Variants in POLR2J observed in about 807,000 individuals in gnomAD.
POLR2J encodes the protein DNA-directed RNA polymerase II subunit RPB11-a.
Under a neutral mutation model 13.4 loss-of-function variants are expected in POLR2J, and 12 were observed. That is an observed-to-expected ratio of 0.90 (90% CI 0.57 to 1.45). POLR2J has a LOEUF of 1.45. POLR2J is among the 40% of genes most tolerant of loss of function. POLR2J has a pLI of 0.00. For missense variants in POLR2J, 58 were observed against 132.0 expected (o/e 0.44, Z 2.75); for synonymous variants, 31 against 53.6 (o/e 0.58, Z 1.84).
rs1208726426 is a variant in POLR2J, at chr7:102,478,843, G to A, written c.18C>T (p.Ala6=). Residue 6 remains alanine, a synonymous_variant, in exon 1 of 4, where the codon GCC becomes GCT. Coordinates refer to ENST00000292614, the MANE Select transcript of POLR2J (RefSeq NM_006234.6). MNAPP[A]FESFLLFEGE... ...CCTCGAAGAGCAAGAACGACTCGAA[G>A]GCTGGAGGGGCGTTCATGCTCCCGC... is the stretch of plus-strand genomic sequence containing the variant. The A allele has an allele frequency of 1.2e-6, 2 of 1,610,736 alleles. No individual in the cohort carries two copies. The highest frequency in any genetic ancestry group is 1.7e-5 in the Admixed American group (1 of 59,992).
chr7:102,475,436 CTTCT>C (rs1305386540), intron 2 of POLR2J, among the ~76,000 whole-genome samples: 1 of 152,202 alleles, frequency 6.6e-6, no homozygotes, highest in Non-Finnish European at 1.5e-5. Flanking sequence ...AGAACTCCTA[CTTCT>C]TTCTCTTGTT....
rs376175018 is a variant in POLR2J, at chr7:102,473,362, G to A, written c.*287C>T. 2 of 571,306 alleles carry A rather than the reference G, an allele frequency of 3.5e-6. No individual in the cohort carries two copies. Among genetic ancestry groups the A allele is most frequent in the South Asian group, 2.5e-5 (1 of 40,194 alleles). 35.4% of individuals were successfully genotyped at this position (571,306 alleles called of 1,614,324 possible). On this transcript the variant is annotated 3_prime_UTR_variant, in exon 4 of 4. Coordinates refer to ENST00000292614, the MANE Select transcript of POLR2J (RefSeq NM_006234.6). ...TTTGGTCCAGAATGAATTCATCCCT[G>A]CCAGCCGGACGCCCCTGAAACAGGT...
In POLR2J at chr7:102,473,656, A is replaced by C; in HGVS notation, c.347T>G (p.Ile116Ser). ...CAGAGCCCCCTCTGGCCCCTACTCA[A>C]TTCCTTCCTGCTTGTCTTTTATGGC... The part of the protein sequence containing the change: ...RVAIKDKQEG[I>S]E The change falls in exon 4 of 4, where the codon ATT becomes AGT. Residue 116 changes from isoleucine (I) to serine (S), a missense_variant. By Grantham distance (142) the Ile-to-Ser change is moderately radical (BLOSUM62 -2). Transcript: ENST00000292614. The C allele has an allele frequency of 6.2e-7, 1 of 1,613,084 alleles. No homozygotes were observed. Among genetic ancestry groups the C allele is most frequent in the Non-Finnish European group, 8.5e-7 (1 of 1,179,762 alleles).
chr7:102,478,470 G>A (rs1445997018), intron 1 of POLR2J, among the ~76,000 whole-genome samples: 3 of 151,732 alleles, frequency 2.0e-5, no homozygotes, highest in Admixed American at 6.6e-5. Flanking sequence ...CGGAGGGGAT[G>A]AAGGATGGAG....
chr7:102,478,883 G>A lies in POLR2J; in HGVS notation c.-23C>T, dbSNP rs780873309. ...CATGCTCCCGCCGCCGTTGCGTCCA[G>A]ACCCCAAGGGTCCGCCGCCGCCGCC... On this transcript the variant is annotated 5_prime_UTR_variant, in exon 1 of 4. Coordinates refer to ENST00000292614, the MANE Select transcript of POLR2J (RefSeq NM_006234.6). The A allele has an allele frequency of 1.2e-6, 2 of 1,610,270 alleles. No individual in the cohort carries two copies. The highest frequency in any genetic ancestry group is 1.7e-6 in the Non-Finnish European group (2 of 1,179,568).
chr7:102,474,294 T>G (rs2133281703), intron 3 of POLR2J, 67 bp downstream of exon 3: 2 of 1,610,794 alleles, frequency 1.2e-6, no homozygotes, highest in East Asian at 2.2e-5. Context: ...GCCAGGGCTG[T>G]CCCAGGCCTG....
Position 102,473,659 on chromosome 7 carries a change from C to T in POLR2J, c.344G>A (p.Gly115Glu), listed in dbSNP as rs1798312231. The T allele has an allele frequency of 6.2e-7, 1 of 1,613,756 alleles. No homozygotes were observed. Among genetic ancestry groups the T allele is most frequent in the African/African-American group, 1.3e-5 (1 of 74,848 alleles). The change falls in exon 4 of 4, where the codon GGA becomes GAA. Residue 115 changes from glycine (G) to glutamate (E), a missense_variant. Around this residue, in one of 4 missense-constraint regions of POLR2J, gnomAD observed 18 missense variants for 16.0 expected, o/e 1.12. Transcript: ENST00000292614. ...AGCCCCCTCTGGCCCCTACTCAATT[C>T]CTTCCTGCTTGTCTTTTATGGCCAC... ...FRVAIKDKQE[G>E]IE
rs1798510365 is a variant in POLR2J, at chr7:102,478,917, C to T, written c.-57G>A. On this transcript the variant is annotated 5_prime_UTR_variant, in exon 1 of 4. Transcript: ENST00000292614. ...GGTCCGCCGCCGCCGCCACCAGAGCCCTAATAAGAGGCCTCTTCCGGATTA... is the reference window on the plus strand; with the variant it reads ...GGTCCGCCGCCGCCGCCACCAGAGCTCTAATAAGAGGCCTCTTCCGGATTA... 1.9e-6 allele frequency: 3 copies of T among 1,606,820 alleles called. No homozygotes were observed. The highest frequency in any genetic ancestry group is 2.2e-5 in the East Asian group (1 of 44,804).
intron 2 of POLR2J, among the ~76,000 whole-genome samples, chr7:102,474,926 C>A (rs940000159): frequency 6.7e-6 from 1 of 150,282 alleles, no homozygotes; most frequent in African/African-American, 2.4e-5. Flanking sequence ...CAGCTGCCGG[C>A]AGTGAGTGGA....
Position 102,473,453 on chromosome 7 carries a change from C to T in POLR2J, c.*196G>A, listed in dbSNP as rs1283586403. 3.0e-6 allele frequency: 2 copies of T among 663,508 alleles called. No individual in the cohort carries two copies. The highest frequency in any genetic ancestry group is 4.0e-5 in the Admixed American group (1 of 25,064). 41.1% of individuals were successfully genotyped at this position (663,508 alleles called of 1,614,324 possible). On this transcript the variant is annotated 3_prime_UTR_variant, in exon 4 of 4. Coordinates refer to ENST00000292614, the MANE Select transcript of POLR2J (RefSeq NM_006234.6). ...AGTCACCGCTGCTCAAGTCCACATC[C>T]AGGTCTCTCCCGCTATACTTTATTA...
chr7:102,473,669 T>C lies in POLR2J; in HGVS notation c.334A>G (p.Lys112Glu), dbSNP rs1394742482. 12 of 1,613,732 alleles carry C rather than the reference T, an allele frequency of 7.4e-6. No homozygotes were observed. Residue 112 changes from lysine (K) to glutamate (E), a missense_variant, in exon 4 of 4, where the codon AAG becomes GAG. Around this residue, in one of 4 missense-constraint regions of POLR2J, gnomAD observed 18 missense variants for 16.0 expected, o/e 1.12. Coordinates refer to ENST00000292614, the MANE Select transcript of POLR2J (RefSeq NM_006234.6). ...EERFRVAIKD[K>E]QEGIE is the part of the protein sequence containing the mutation. Reference sequence around the variant, plus strand: ...GGCCCCTACTCAATTCCTTCCTGCTTGTCTTTTATGGCCACCTGGGAGAGA... The same window carrying C: ...GGCCCCTACTCAATTCCTTCCTGCTCGTCTTTTATGGCCACCTGGGAGAGA...
Position 102,474,372 on chromosome 7 carries a change from C to A in POLR2J, c.307G>T (p.Glu103Ter), listed in dbSNP as rs11157. 6.2e-7 allele frequency: 1 copy of A among 1,611,938 alleles called. No individual in the cohort carries two copies. The highest frequency in any genetic ancestry group is 8.5e-7 in the Non-Finnish European group (1 of 1,179,698). ...DLISELSLLE[E>*]RFRVAIKDKQ... ...GGCCCCGCCCTCACCCGAAAGCGCT[C>A]CTCCAGCAGGGACAGCTCACTGATG... The change falls in exon 3 of 4, where the codon GAG becomes TAG. Residue 103 changes from glutamate to a stop codon, truncating the protein, a stop_gained. Coordinates refer to ENST00000292614, the MANE Select transcript of POLR2J (RefSeq NM_006234.6). LOFTEE classifies it high-confidence loss of function.
Position 102,473,492 on chromosome 7 carries a change from T to A in POLR2J, c.*157A>T. The A allele has an allele frequency of 1.1e-6, 1 of 911,472 alleles. No individual in the cohort carries two copies. Among genetic ancestry groups the A allele is most frequent in the Non-Finnish European group, 1.5e-6 (1 of 676,048 alleles). The allele number at this position is 911,472 out of a possible 1,614,324, so 56.5% of individuals were successfully genotyped here. On this transcript the variant is annotated 3_prime_UTR_variant, in exon 4 of 4. Coordinates refer to ENST00000292614, the MANE Select transcript of POLR2J (RefSeq NM_006234.6). ...TATACTTTATTAGGAATATAAAACC[T>A]AATCTATGTACAGGACACGTCGGTG...
chr7:102,473,877 G>A (rs1261624338), intron 3 of POLR2J, 193 bp from the exon 4 acceptor site: 18 of 1,441,456 alleles, frequency 1.2e-5, no homozygotes, highest in Non-Finnish European at 3.6e-6. Flanking sequence ...AGCCCCGGCA[G>A]GAGTCAGAGG....
Position 102,473,608 on chromosome 7 carries a change from A to T in POLR2J, c.*41T>A. On this transcript the variant is annotated 3_prime_UTR_variant, in exon 4 of 4. Transcript: ENST00000292614. ...CTGGAGCGGAGGGTCAGGCACAGGTAGGAACGGGGCTCACAGGCCGAGCAG... is the reference window on the plus strand; with the variant it reads ...CTGGAGCGGAGGGTCAGGCACAGGTTGGAACGGGGCTCACAGGCCGAGCAG... 1 of 1,602,004 alleles carries T rather than the reference A, an allele frequency of 6.2e-7. No homozygotes were observed. Among genetic ancestry groups the T allele is most frequent in the South Asian group, 1.1e-5 (1 of 89,930 alleles).
At chr7:102,475,352 G>T (rs952555009) in intron 2 of POLR2J, among the ~76,000 whole-genome samples, 33 of 152,232 alleles carry the variant, frequency 2.2e-4, no homozygotes, top group African/African-American at 8.0e-4. Flanking sequence ...CAACCACCTG[G>T]CTAGGACCTC....
rs550883718 is a variant in POLR2J, at chr7:102,474,988, C to T, written c.144-453G>A. ...CAGCACAGCTGCCAGCGGCTGGCCA[C>T]GCACACTGGGCCTTGTGCCATGGGG... On this transcript the variant is annotated intron_variant, in intron 2 of 3. Transcript: ENST00000292614. Among the ~76,000 whole-genome samples, 10 of 150,108 alleles carry T rather than the reference C, an allele frequency of 6.7e-5. 1 individual carries two copies. The highest frequency in any genetic ancestry group is 2.6e-4 in the Admixed American group (4 of 15,118).
Position 102,473,253 on chromosome 7 carries a change from A to C in POLR2J, c.*396T>G, listed in dbSNP as rs1798284423. The C allele has an allele frequency of 1.5e-6, 1 of 657,404 alleles. No individual in the cohort carries two copies. Among genetic ancestry groups the C allele is most frequent in the South Asian group, 2.1e-5 (1 of 47,984 alleles). 40.7% of individuals were successfully genotyped at this position (657,404 alleles called of 1,614,324 possible). A position where few individuals can be genotyped will look rare whatever the true frequency, so the allele number is the denominator to read the frequency against. ...CAGGCCCAGGAGTTGAGGCTTCTAG[A>C]GCAGAGACTCTTGGGAGCTCATGGG... On this transcript the variant is annotated 3_prime_UTR_variant, in exon 4 of 4. Coordinates refer to ENST00000292614, the MANE Select transcript of POLR2J (RefSeq NM_006234.6).
intron 2 of POLR2J, among the ~76,000 whole-genome samples, chr7:102,475,034 T>C (rs1279708847): frequency 2.0e-5 from 3 of 151,528 alleles, no homozygotes; most frequent in Non-Finnish European, 4.4e-5. Flanking sequence ...TACTGTGCCC[T>C]GGGCACGCAG....
Sources: allele counts gnomAD v4.1 joint callset (sites outside exome capture counted in the v4.1 genomes callset), GRCh38; gene constraint gnomAD v4.1.1; regional missense constraint gnomAD v4.1.1; transcripts MANE v1.5; gene names NCBI Gene and HGNC (gene_info 2026-07-23, HGNC 2026-07-21).